Variants in SHROOM3 observed in about 807,000 individuals in gnomAD.
The protein encoded by SHROOM3 is shroom family member 3, also known as protein Shroom3.
Under a neutral mutation model 138.6 loss-of-function variants are expected in SHROOM3, and 47 were observed. The observed-to-expected ratio is 0.34, with a 90% CI of 0.27 to 0.43. The LOEUF (loss-of-function observed/expected upper bound fraction) is 0.43. SHROOM3 is among the 20% of genes least tolerant of loss of function. SHROOM3 has a pLI of 1.00. For synonymous variants in SHROOM3, 1,062 were observed against 1,063.3 expected, an observed-to-expected ratio of 1.00 and a Z score of 0.02; for missense variants, 2,491 against 2,596.5, an observed-to-expected ratio of 0.96 and a Z score of 0.88.
At chr4:76,743,928 A>G (rs932629778) in intron 5 of SHROOM3, among the ~76,000 whole-genome samples, 3 of 152,220 alleles carry the variant, frequency 2.0e-5, no homozygotes, top group Non-Finnish European at 4.4e-5. Flanking sequence ...ATAGCAGTCT[A>G]GACACCTTCC....
chr4:76,741,807 T>A lies in SHROOM3; in HGVS notation c.3634T>A (p.Trp1212Arg). Residue 1212 changes from tryptophan (W) to arginine (R), a missense_variant, in exon 5 of 11, where the codon TGG becomes AGG. Physicochemically the swap from Trp to Arg is moderately radical, Grantham distance 101. Around this residue, in one of 4 missense-constraint regions of SHROOM3, gnomAD observed 1,733 missense variants for 1,661.6 expected, o/e 1.04. Transcript: ENST00000296043. This position sits in a 1 kb window ranked among gnomAD's most constrained non-coding sequence, Gnocchi z 6.2. The stretch of plus-strand genomic sequence containing the variant: ...TGAGACCCCCAGGGAGCCATCCTCC[T>A]GGGGGGCCAGGGCCGGGAAGTCCAT... ...GDETPREPSSWGARAGKSMSA... is the reference protein window; with the variant it reads ...GDETPREPSSRGARAGKSMSA... 3 of 1,587,018 alleles carry A rather than the reference T, an allele frequency of 1.9e-6. No individual in the cohort carries two copies. Among genetic ancestry groups the A allele is most frequent in the Non-Finnish European group, 2.6e-6 (3 of 1,167,236 alleles).
chr4:76,486,187 CA>C (rs149671162), intron 1 of SHROOM3, among the ~76,000 whole-genome samples: 1 of 152,236 alleles, frequency 6.6e-6, no homozygotes, highest in African/African-American at 2.4e-5. Flanking sequence ...CAGATATTTG[CA>C]ATACTAACTA....
chr4:76,610,278 G>C lies in SHROOM3; in HGVS notation c.323+54515G>C, dbSNP rs189356820. Among the ~76,000 whole-genome samples, 215 of 152,328 alleles carry C rather than the reference G, an allele frequency of 1.4e-3. 2 individuals carry two copies. Among genetic ancestry groups the C allele is most frequent in the Admixed American group, 6.7e-3 (102 of 15,302 alleles). ...TGAGTGATATGCCATCGAGGTATGA[G>C]TTAGATGTTGGCATTTTGTGGAAAG... On this transcript the variant is annotated intron_variant, in intron 2 of 10. Transcript: ENST00000296043.
At chr4:76,634,024 G>T (rs1199274783) in intron 2 of SHROOM3, among the ~76,000 whole-genome samples, 1 of 152,082 alleles carries the variant, frequency 6.6e-6, no homozygotes, top group African/African-American at 2.4e-5. Context: ...TTAAATCTGT[G>T]TGCCAGTAGA....
intron 2 of SHROOM3, chr4:76,644,222 A>T (rs1735756921): frequency 6.7e-6 from 1 of 149,282 alleles, no homozygotes; most frequent in Non-Finnish European, 1.5e-5. Context: ...CCAAAAGGTG[A>T]TCATACTGTT....
intron 1 of SHROOM3, among the ~76,000 whole-genome samples, chr4:76,541,780 C>G (rs1236076522): frequency 6.6e-6 from 1 of 152,040 alleles, no homozygotes; most frequent in African/African-American, 2.4e-5. Flanking sequence ...GATCTGAGAG[C>G]CCAGTGCCCA....
chr4:76,564,384 C>G (rs115007449), intron 2 of SHROOM3, among the ~76,000 whole-genome samples: 393 of 152,282 alleles, frequency 2.6e-3, no homozygotes, highest in Non-Finnish European at 4.5e-3. Flanking sequence ...TTCCAAGAGG[C>G]CTGGCATCAT....
At chr4:76,618,638 G>A (rs1367736530) in intron 2 of SHROOM3, among the ~76,000 whole-genome samples, 2 of 152,178 alleles carry the variant, frequency 1.3e-5, no homozygotes, top group Non-Finnish European at 2.9e-5. Flanking sequence ...CTGAAGATAA[G>A]TTAGAGTATG....
chr4:76,494,473 A>G (rs1488048514), intron 1 of SHROOM3, among the ~76,000 whole-genome samples: 2 of 152,234 alleles, frequency 1.3e-5, no homozygotes, highest in African/African-American at 4.8e-5. Flanking sequence ...CTTTCCCATG[A>G]AGCGAGAGGA....
At chr4:76,749,211 T>C in intron 6 of SHROOM3, 121 bp downstream of exon 6, 1 of 977,542 alleles carries the variant, frequency 1.0e-6, no homozygotes, top group Non-Finnish European at 1.6e-6. Flanking sequence ...TTTTTTGATT[T>C]GTCTAGGCCA....
chr4:76,441,871 C>T (rs760525381), intron 1 of SHROOM3, among the ~76,000 whole-genome samples: 38 of 152,120 alleles, frequency 2.5e-4, no homozygotes, highest in Admixed American at 5.9e-4. Context: ...TACAGGCATG[C>T]GCCACCACAC....
intron 1 of SHROOM3, among the ~76,000 whole-genome samples, chr4:76,442,528 G>A (rs1730715869): frequency 6.6e-6 from 1 of 151,098 alleles, no homozygotes; most frequent in Non-Finnish European, 1.5e-5. Flanking sequence ...TCCTGCCTCA[G>A]CCTCCTGAGT....
Position 76,754,821 on chromosome 4 carries a change from C to G in SHROOM3, c.4338C>G (p.Ser1446=). The change falls in exon 7 of 11, where the codon TCC becomes TCG. Residue 1446 remains serine (S), a synonymous_variant. Transcript: ENST00000296043. ...GAGAGGACAGCCTTCCTGAGGAATC[C>G]TCAGCCCCTGATTTTGCAAACCTGA... ...AAREDSLPEE[S]SAPDFANLKH... 4 of 1,614,158 alleles carry G rather than the reference C, an allele frequency of 2.5e-6. No homozygotes were observed. The highest frequency in any genetic ancestry group is 3.4e-6 in the Non-Finnish European group (4 of 1,180,018).
chr4:76,765,351 CAA>C (rs35934138), intron 9 of SHROOM3, among the ~76,000 whole-genome samples: 23 of 79,870 alleles, frequency 2.9e-4, no homozygotes, highest in Admixed American at 4.5e-4. Context: ...CCCATCTCTA[CAA>C]AAAAAAAAAA....
chr4:76,660,349 A>AGGG (rs1205247185), intron 2 of SHROOM3, among the ~76,000 whole-genome samples: 1 of 152,150 alleles, frequency 6.6e-6, no homozygotes, highest in African/African-American at 2.4e-5. Context: ...TCCCTCTATG[A>AGGG]GGGGCTCATT....
rs374854492 is a variant in SHROOM3, at chr4:76,754,594, G to A, written c.4111G>A (p.Gly1371Ser). 4.3e-6 allele frequency: 7 copies of A among 1,614,132 alleles called. No individual in the cohort carries two copies. The highest frequency in any genetic ancestry group is 5.9e-6 in the Non-Finnish European group (7 of 1,180,010). ...TCCCTCTGGCTACTGCTCACAGGAC[G>A]GTCAGACAGGGCGACAGCCTCTCCC... ...AIPSGYCSQD[G>S]QTGRQPLPPY... is the part of the protein sequence containing the mutation. The change falls in exon 7 of 11, where the codon GGT becomes AGT. Residue 1371 changes from glycine (G) to serine (S), a missense_variant. By Grantham distance (56) the Gly-to-Ser change is moderately conservative. This residue lies in a region of SHROOM3 where 1,733 missense variants were observed against 1,661.6 expected (regional missense o/e 1.04). Coordinates refer to ENST00000296043, the MANE Select transcript of SHROOM3 (RefSeq NM_020859.4).
chr4:76,689,423 GC>G, intron 2 of SHROOM3: 1 of 721,766 alleles, frequency 1.4e-6, no homozygotes, highest in Non-Finnish European at 1.7e-6. Context: ...GACTGAGCGG[GC>G]CCGGGCGGGA....
intron 1 of SHROOM3, among the ~76,000 whole-genome samples, chr4:76,442,556 TC>T (rs1350772099): frequency 6.6e-6 from 1 of 151,876 alleles, no homozygotes; most frequent in Non-Finnish European, 1.5e-5. Flanking sequence ...ACTATAGGCG[TC>T]CGCCACCACG....
chr4:76,548,738 T>G (rs1303221922), intron 1 of SHROOM3, among the ~76,000 whole-genome samples: 1 of 152,220 alleles, frequency 6.6e-6, no homozygotes, highest in Non-Finnish European at 1.5e-5. Flanking sequence ...AGTAACACTG[T>G]GTCATCAAAG....
Sources: gnomAD v4.1 joint callset for allele counts (sites outside exome capture counted in the v4.1 genomes callset) on GRCh38, gnomAD v4.1.1 for gene constraint, gnomAD v4.1.1 regional missense constraint, Gnocchi (gnomAD v3.1) non-coding constraint, MANE v1.5 for transcripts, NCBI Gene and HGNC (gene_info 2026-07-23, HGNC 2026-07-21) for gene names.